Variants in IQCM observed in about 807,000 individuals in gnomAD.
IQCM encodes IQ motif containing M, also known as IQ domain-containing protein M.
A neutral mutation model predicts 57.6 loss-of-function variants in IQCM; 45 were observed. The observed-to-expected ratio is 0.78, with a 90% CI of 0.62 to 1.00. The LOEUF (loss-of-function observed/expected upper bound fraction) is 1.00, where lower values mean the gene tolerates loss of function less well. IQCM is among the 50% of genes least tolerant of loss of function. The pLI, the probability that IQCM is intolerant of heterozygous loss-of-function variation, is 0.00. For synonymous variants in IQCM, 148 were observed against 158.9 expected (o/e 0.93, Z 0.51); for missense variants, 468 against 511.6 (o/e 0.91, Z 0.82).
intron 8 of IQCM, among the ~76,000 whole-genome samples, chr4:149,592,228 TAC>T: frequency 6.6e-6 from 1 of 152,234 alleles, no homozygotes; most frequent in African/African-American, 2.4e-5. Flanking sequence ...TTTTTTCATA[TAC>T]CTGTTGGCTG....
intron 12 of IQCM, among the ~76,000 whole-genome samples, chr4:149,438,364 A>C (rs1205611699): frequency 1.3e-5 from 2 of 152,150 alleles, no homozygotes; most frequent in Non-Finnish European, 2.9e-5. Flanking sequence ...GATATTCATT[A>C]AATTGCTAAT....
At chr4:149,666,897 G>T (rs188323364) in intron 7 of IQCM, among the ~76,000 whole-genome samples, 33 of 152,252 alleles carry the variant, frequency 2.2e-4, no homozygotes, top group Admixed American at 1.5e-3. Context: ...CCTGGGCAGG[G>T]CATCTCTGAA....
chr4:149,444,513 A>G (rs1350428514), intron 12 of IQCM, among the ~76,000 whole-genome samples: 1 of 151,960 alleles, frequency 6.6e-6, no homozygotes, highest in East Asian at 1.9e-4. Context: ...TAATTGCTTG[A>G]ATAAAGATAG....
intron 13 of IQCM, among the ~76,000 whole-genome samples, chr4:149,423,007 A>G (rs1362885086): frequency 1.3e-5 from 2 of 152,092 alleles, no homozygotes; most frequent in Non-Finnish European, 2.9e-5. Flanking sequence ...TGATCACTGT[A>G]TGATGAAATA....
At chr4:149,678,478 G>C (rs1239832874) in intron 7 of IQCM, among the ~76,000 whole-genome samples, 2 of 151,620 alleles carry the variant, frequency 1.3e-5, no homozygotes, top group Non-Finnish European at 3.0e-5. Flanking sequence ...TCCCAGACAA[G>C]CAAAAGTGGA....
chr4:149,502,171 C>CAT (rs1043395842), intron 12 of IQCM, among the ~76,000 whole-genome samples: 6 of 151,326 alleles, frequency 4.0e-5, no homozygotes, highest in South Asian at 2.1e-4. Flanking sequence ...CACACACACA[C>CAT]ATATATATGT....
At chr4:149,654,450 T>C (rs938597379) in intron 7 of IQCM, among the ~76,000 whole-genome samples, 1 of 152,124 alleles carries the variant, frequency 6.6e-6, no homozygotes, top group Admixed American at 6.6e-5. Context: ...CCCACCACTC[T>C]CTGTTGCCCC....
intron 7 of IQCM, among the ~76,000 whole-genome samples, chr4:149,679,676 G>T (rs1762034511): frequency 6.6e-6 from 1 of 151,066 alleles, no homozygotes; most frequent in Non-Finnish European, 1.5e-5. Context: ...AAAAAGAATT[G>T]GGTGATAATT....
intron 12 of IQCM, among the ~76,000 whole-genome samples, chr4:149,513,946 A>G (rs1744683803): frequency 6.6e-6 from 1 of 152,180 alleles, no homozygotes; most frequent in South Asian, 2.1e-4. Flanking sequence ...AACTCATAAT[A>G]GTCAAAAAGA....
intron 7 of IQCM, among the ~76,000 whole-genome samples, chr4:149,643,228 T>C (rs1758354387): frequency 6.6e-6 from 1 of 152,166 alleles, no homozygotes; most frequent in South Asian, 2.1e-4. Context: ...TCATATTTAT[T>C]AGATGCAGAT....
intron 8 of IQCM, among the ~76,000 whole-genome samples, chr4:149,617,794 A>T (rs1364651309): frequency 1.3e-5 from 2 of 152,210 alleles, no homozygotes; most frequent in Non-Finnish European, 2.9e-5. Flanking sequence ...GAATACATTT[A>T]AGCTAGGGAG....
chr4:149,500,165 C>T (rs1015790890), intron 12 of IQCM, among the ~76,000 whole-genome samples: 4 of 151,968 alleles, frequency 2.6e-5, no homozygotes, highest in Admixed American at 6.6e-5. Context: ...GTAAAGAATC[C>T]AATATAACAA....
chr4:149,603,454 T>C (rs1434884511), intron 8 of IQCM, among the ~76,000 whole-genome samples: 1 of 152,144 alleles, frequency 6.6e-6, no homozygotes, highest in Admixed American at 6.5e-5. Context: ...CAACTTGGTG[T>C]AGCCTCTTAA....
chr4:149,540,799 C>T (rs1486960170), intron 12 of IQCM, among the ~76,000 whole-genome samples: 1 of 152,076 alleles, frequency 6.6e-6, no homozygotes, highest in Non-Finnish European at 1.5e-5. Flanking sequence ...AGTCAGGAGC[C>T]TCACGCCATT....
intron 7 of IQCM, among the ~76,000 whole-genome samples, chr4:149,644,556 C>T (rs1042544668): frequency 2.6e-5 from 4 of 151,954 alleles, no homozygotes; most frequent in African/African-American, 7.3e-5. Flanking sequence ...ATGCATTTTC[C>T]GCAATTTATA....
chr4:149,609,062 T>C (rs1755044424), intron 8 of IQCM, among the ~76,000 whole-genome samples: 2 of 150,932 alleles, frequency 1.3e-5, no homozygotes, highest in South Asian at 4.2e-4. Flanking sequence ...AAAGGAGATA[T>C]TCCACTGATA....
intron 12 of IQCM, among the ~76,000 whole-genome samples, chr4:149,439,668 A>G (rs1735713820): frequency 2.0e-5 from 3 of 152,120 alleles, no homozygotes; most frequent in African/African-American, 7.2e-5. Flanking sequence ...AAAAATATAA[A>G]TATTTTTATC....
chr4:149,737,429 T>A lies in IQCM; in HGVS notation c.38-1971A>T, dbSNP rs557607016. Among the ~76,000 whole-genome samples the A allele has an allele frequency of 1.1e-4, 17 of 152,344 alleles. No homozygotes were observed. In the South Asian group the frequency reaches 1.9e-3, roughly 17 times the overall value. ...TGGGTATGTGACAAATCAAGTACAGTAAAATATTAATGGTAAGAACTTGGT... is the reference window on the plus strand; with the variant it reads ...TGGGTATGTGACAAATCAAGTACAGAAAAATATTAATGGTAAGAACTTGGT... On this transcript the variant is annotated intron_variant, in intron 3 of 13. Transcript: ENST00000636793.
chr4:149,603,331 T>C (rs1045945809), intron 8 of IQCM, among the ~76,000 whole-genome samples: 8 of 152,164 alleles, frequency 5.3e-5, no homozygotes, highest in South Asian at 4.1e-4. Context: ...ACATGTTTGG[T>C]TCAAGAGTAA....
Sources: allele counts gnomAD v4.1 joint callset (sites outside exome capture counted in the v4.1 genomes callset), GRCh38; gene constraint gnomAD v4.1.1; transcripts MANE v1.5; gene names NCBI Gene and HGNC (gene_info 2026-07-23, HGNC 2026-07-21).